ARNT2: variants seen among roughly 807,000 people sequenced by gnomAD.
The protein encoded by ARNT2 is aryl hydrocarbon receptor nuclear translocator 2, also known as ARNT protein 2.
A neutral mutation model predicts 91.7 loss-of-function variants in ARNT2; 36 were observed. That is an observed-to-expected ratio of 0.39 (90% CI 0.30 to 0.52). The LOEUF is 0.52. ARNT2 is among the 20% of genes least tolerant of loss of function. ARNT2 has a pLI of 0.72. For missense variants in ARNT2, 775 were observed against 939.3 expected (o/e 0.83, Z 2.29); for synonymous variants, 365 against 347.1 (o/e 1.05, Z -0.57).
intron 2 of ARNT2, among the ~76,000 whole-genome samples, chr15:80,454,776 A>G (rs1402007049): frequency 1.3e-5 from 2 of 152,206 alleles, no homozygotes; most frequent in Non-Finnish European, 2.9e-5. Context: ...TTGATGAAGC[A>G]TTATTATGAT....
chr15:80,524,788 T>C (rs1249313895), intron 8 of ARNT2, among the ~76,000 whole-genome samples: 1 of 150,612 alleles, frequency 6.6e-6, no homozygotes, highest in Non-Finnish European at 1.5e-5. Flanking sequence ...GGCAGGAGAA[T>C]GGCATGAACC....
chr15:80,407,304 G>C (rs1387386559), intron 1 of ARNT2, among the ~76,000 whole-genome samples: 1 of 152,208 alleles, frequency 6.6e-6, no homozygotes, highest in Non-Finnish European at 1.5e-5. Context: ...TCTGTGATGT[G>C]TAGTGGGGAT....
At chr15:80,419,001 G>T (rs1430534896) in intron 1 of ARNT2, among the ~76,000 whole-genome samples, 1 of 152,200 alleles carries the variant, frequency 6.6e-6, no homozygotes, top group Non-Finnish European at 1.5e-5. Context: ...GAGGCTTCTT[G>T]AGGGGAGCGT....
intron 1 of ARNT2, among the ~76,000 whole-genome samples, chr15:80,419,393 G>A (rs1454256569): frequency 3.3e-5 from 5 of 152,230 alleles, no homozygotes; most frequent in South Asian, 2.1e-4. Flanking sequence ...TTTCACAGGT[G>A]AGGAAATAAA....
chr15:80,589,498 G>A (rs1480600499), intron 17 of ARNT2, among the ~76,000 whole-genome samples: 1 of 152,226 alleles, frequency 6.6e-6, no homozygotes, highest in African/African-American at 2.4e-5. Context: ...CTGTGTGGCA[G>A]TCATCTTCCT....
At chr15:80,453,907 A>C (rs953950525) in intron 2 of ARNT2, among the ~76,000 whole-genome samples, 3 of 152,156 alleles carry the variant, frequency 2.0e-5, no homozygotes, top group African/African-American at 7.2e-5. Flanking sequence ...ATTCTGATGG[A>C]GGGAAGTATC....
At position 80,462,505 on chromosome 15, in the gene ARNT2, A is replaced by G. The variant is rs575126570; in HGVS notation, c.194+4529A>G. 2.6e-5 allele frequency among the ~76,000 whole-genome samples: 4 copies of G among 152,322 alleles called. No homozygotes were observed. In the South Asian group the frequency reaches 8.3e-4, roughly 32 times the overall value. On this transcript the variant is annotated intron_variant, in intron 3 of 18. Transcript: ENST00000303329. ...CAGTCCTCAAACTTTAATTCTTGCCACTGTGTATTATCTGTATATTTTTGC... is the reference window on the plus strand; with the variant it reads ...CAGTCCTCAAACTTTAATTCTTGCCGCTGTGTATTATCTGTATATTTTTGC...
Position 80,597,037 on chromosome 15 carries a change from A to T in ARNT2, c.*3339A>T. 2 of 441,284 alleles carry T rather than the reference A, an allele frequency of 4.5e-6. No homozygotes were observed. Among genetic ancestry groups the T allele is most frequent in the Non-Finnish European group, 9.0e-6 (2 of 222,050 alleles). 27.3% of individuals were successfully genotyped at this position (441,284 alleles called of 1,614,324 possible). ...CACTGTTGTTATTTCATGAGACGTG[A>T]ATGTTGCAGAGAGTGGGGGGATTCT... On this transcript the variant is annotated 3_prime_UTR_variant, in exon 19 of 19. Transcript: ENST00000303329.
intron 8 of ARNT2, among the ~76,000 whole-genome samples, chr15:80,523,526 A>G (rs1195481638): frequency 6.6e-6 from 1 of 152,192 alleles, no homozygotes; most frequent in East Asian, 1.9e-4. Context: ...CAAGGTGACC[A>G]TCTCATTCTT....
intron 3 of ARNT2, among the ~76,000 whole-genome samples, chr15:80,462,817 A>G (rs147769715): frequency 1.3e-5 from 2 of 152,338 alleles, no homozygotes; most frequent in East Asian, 1.9e-4. Flanking sequence ...AAGTTATCTA[A>G]AAGTAAAGAT....
chr15:80,442,599 C>G (rs2141579040), intron 1 of ARNT2, among the ~76,000 whole-genome samples: 1 of 152,336 alleles, frequency 6.6e-6, no homozygotes, highest in East Asian at 1.9e-4. Flanking sequence ...CTGATAAACT[C>G]CATGTCTTAG....
At chr15:80,474,201 T>A (rs1896769331) in intron 4 of ARNT2, among the ~76,000 whole-genome samples, 1 of 152,224 alleles carries the variant, frequency 6.6e-6, no homozygotes, top group African/African-American at 2.4e-5. Context: ...ATCCACGTCC[T>A]TCTGAGGATA....
At chr15:80,459,222 T>C (rs1896520081) in intron 3 of ARNT2, among the ~76,000 whole-genome samples, 1 of 152,174 alleles carries the variant, frequency 6.6e-6, no homozygotes, top group South Asian at 2.1e-4. Flanking sequence ...AGAGAGGAGA[T>C]GGAGAACATT....
At chr15:80,505,794 C>T (rs1180409243) in intron 5 of ARNT2, among the ~76,000 whole-genome samples, 2 of 151,998 alleles carry the variant, frequency 1.3e-5, no homozygotes, top group Non-Finnish European at 2.9e-5. Flanking sequence ...CAGCTTTGGA[C>T]AGGAAGAAGA....
At chr15:80,548,964 C>G (rs980853951) in intron 8 of ARNT2, among the ~76,000 whole-genome samples, 10 of 152,186 alleles carry the variant, frequency 6.6e-5, no homozygotes, top group Middle Eastern at 3.4e-3. Context: ...AGAAAAAATA[C>G]AACGAATAGT....
intron 5 of ARNT2, among the ~76,000 whole-genome samples, chr15:80,492,336 C>T (rs1175135063): frequency 2.0e-5 from 3 of 152,154 alleles, no homozygotes; most frequent in African/African-American, 7.2e-5. Context: ...CCATGCCTGG[C>T]TCAGTGTCTT....
At chr15:80,418,649 C>T (rs1353198948) in intron 1 of ARNT2, among the ~76,000 whole-genome samples, 2 of 152,198 alleles carry the variant, frequency 1.3e-5, no homozygotes, top group Non-Finnish European at 2.9e-5. Context: ...TATGGATCCT[C>T]TGTTGGGTCG....
At chr15:80,456,693 C>T (rs1020767186) in intron 2 of ARNT2, among the ~76,000 whole-genome samples, 5 of 152,128 alleles carry the variant, frequency 3.3e-5, no homozygotes, top group African/African-American at 1.2e-4. Context: ...TTCCTGGTAA[C>T]CTGGGTGTCC....
chr15:80,563,016 T>C, intron 11 of ARNT2, 72 bp from the exon 12 acceptor site: 1 of 1,569,322 alleles, frequency 6.4e-7, no homozygotes, highest in Non-Finnish European at 8.8e-7. Flanking sequence ...CCCCACTGCC[T>C]GCAGCTTCTC....
Sources: gnomAD v4.1 joint callset for allele counts (sites outside exome capture counted in the v4.1 genomes callset) on GRCh38, gnomAD v4.1.1 for gene constraint, MANE v1.5 for transcripts, NCBI Gene and HGNC (gene_info 2026-07-23, HGNC 2026-07-21) for gene names.